Variants in DNAH1 observed in about 807,000 individuals in gnomAD.
DNAH1 encodes the protein dynein axonemal heavy chain 1.
DNAH1 carries 327 observed loss-of-function variants against 484.3 expected under a neutral mutation model. That is an observed-to-expected ratio of 0.68 (90% CI 0.62 to 0.74). The LOEUF (loss-of-function observed/expected upper bound fraction) is 0.74, where lower values mean the gene tolerates loss of function less well. Among genes scored for constraint, DNAH1 ranks in the 30% least tolerant of loss-of-function variants. The probability of loss-of-function intolerance (pLI) is 0.00; values close to 1 mark genes in which losing one functional copy is unlikely to be tolerated. For missense variants in DNAH1, 5,052 were observed against 5,546.8 expected (o/e 0.91, Z 2.83); for synonymous variants, 2,192 against 2,191.9 (o/e 1.00, Z 0.00).
rs759678423 is a variant in DNAH1 at position 52,393,366 on chromosome 3, C to T, written c.10507C>T (p.Arg3503Cys). The T allele has an allele frequency of 5.6e-6, 9 of 1,613,998 alleles. No homozygotes were observed. Among genetic ancestry groups the T allele is most frequent in the Admixed American group, 1.7e-5 (1 of 60,010 alleles). ...NLKKRISNIN[R>C]YLTYSLYSNV... The stretch of plus-strand genomic sequence containing the variant: ...GAAGAAGCGCATCTCCAACATCAAC[C>T]GCTACCTGACCTACAGCCTCTACAG... Residue 3503 changes from arginine to cysteine, a missense_variant, in exon 66 of 78, where the codon CGC becomes TGC. Arg to Cys is a radical substitution (Grantham distance 180). Transcript: ENST00000420323.
At chr3:52,349,962 C>G (rs1212177859) in intron 14 of DNAH1, 27 bp from the exon 15 acceptor site, 1 of 1,586,448 alleles carries the variant, frequency 6.3e-7, no homozygotes, top group Non-Finnish European at 8.6e-7. Flanking sequence ...GCATGCTGCC[C>G]TCCCCAGCGC....
chr3:52,328,136 A>T, intron 6 of DNAH1, 122 bp downstream of exon 6: 1 of 1,298,778 alleles, frequency 7.7e-7, no homozygotes, highest in East Asian at 2.5e-5. Flanking sequence ...AAGACCTCTC[A>T]GCTGGTAGAC....
intron 8 of DNAH1, among the ~76,000 whole-genome samples, chr3:52,341,680 T>TAAACCAAC: frequency 6.6e-6 from 1 of 152,054 alleles, no homozygotes. Flanking sequence ...TTCCCACACC[T>TAAACCAAC]AAACCAACTG....
chr3:52,396,525 A>C lies in DNAH1; in HGVS notation c.11417A>C (p.Asn3806Thr), dbSNP rs1353284997. The C allele has an allele frequency of 6.2e-7, 1 of 1,611,552 alleles. No individual in the cohort carries two copies. Among genetic ancestry groups the C allele is most frequent in the South Asian group, 1.1e-5 (1 of 90,858 alleles). Residue 3806 changes from asparagine to threonine, a missense_variant, in exon 71 of 78, where the codon AAC becomes ACC. Asn to Thr is a moderately conservative substitution (Grantham distance 65, BLOSUM62 0). Coordinates refer to ENST00000420323, the MANE Select transcript of DNAH1 (RefSeq NM_015512.5). Reference sequence around the variant, plus strand: ...AGTAGCCTTGGTGAAGACTTCCTCAACTCCTGCCACAAGGTGAGGCACACT... The same window carrying C: ...AGTAGCCTTGGTGAAGACTTCCTCACCTCCTGCCACAAGGTGAGGCACACT... ...SYSSLGEDFL[N>T]SCHKVMEFKS...
intron 4 of DNAH1, among the ~76,000 whole-genome samples, 160 bp downstream of exon 4, chr3:52,326,474 A>T (rs1701349511): frequency 6.6e-6 from 1 of 152,152 alleles, no homozygotes; most frequent in Admixed American, 6.5e-5. Flanking sequence ...TAATAGGAAC[A>T]ATTTACGTTA....
At chr3:52,322,913 C>G (rs1458314912) in intron 2 of DNAH1, 138 bp downstream of exon 2, 2 of 789,554 alleles carry the variant, frequency 2.5e-6, no homozygotes, top group African/African-American at 3.5e-5. Flanking sequence ...GTCTTTCTAT[C>G]CATCTACCCC....
At chr3:52,315,277 G>A (rs909733387), upstream of DNAH1, among the ~76,000 whole-genome samples, 1 of 152,198 alleles carries the variant, frequency 6.6e-6, no homozygotes, top group African/African-American at 2.4e-5. Flanking sequence ...GGGGACAGGT[G>A]GGGAGCGGGT....
intron 47 of DNAH1, 53 bp downstream of exon 47, chr3:52,378,833 C>T: frequency 1.3e-6 from 2 of 1,597,526 alleles, no homozygotes; most frequent in Non-Finnish European, 1.7e-6. Flanking sequence ...TCCGCATCCT[C>T]CCCAGCCCCA....
chr3:52,382,459 C>T lies in DNAH1; in HGVS notation c.7941+4C>T, dbSNP rs756656510. The stretch of plus-strand genomic sequence containing the variant: ...CTTCCTCTTCTCAGACACCCAGGTG[C>T]CACTGCCACAGCAGAGGGCAGGGCT... On this transcript the variant is annotated splice_donor_region_variant and intron_variant, in intron 50 of 77. Coordinates refer to ENST00000420323, the MANE Select transcript of DNAH1 (RefSeq NM_015512.5). 6.2e-7 allele frequency: 1 copy of T among 1,613,450 alleles called. No homozygotes were observed. The highest frequency in any genetic ancestry group is 1.3e-5 in the African/African-American group (1 of 74,926).
At chr3:52,387,963 A>G (rs758021916) in intron 56 of DNAH1, among the ~76,000 whole-genome samples, 4 of 152,112 alleles carry the variant, frequency 2.6e-5, no homozygotes, top group Non-Finnish European at 4.4e-5. Context: ...CCCTAATCAT[A>G]TGATCTAAAA....
rs1559551616 is a variant in DNAH1 at position 52,379,257 on chromosome 3, T to C, written c.7377+477T>C. 6.6e-6 allele frequency among the ~76,000 whole-genome samples: 1 copy of C among 152,128 alleles called. No individual in the cohort carries two copies. Among genetic ancestry groups the C allele is most frequent in the Non-Finnish European group, 1.5e-5 (1 of 68,024 alleles). ...CGTGTGGGTGGGCGGGGGACAGACC[T>C]GCACTTTGGAATGGGACTGAGCGGC... On this transcript the variant is annotated intron_variant, in intron 47 of 77. Coordinates refer to ENST00000420323, the MANE Select transcript of DNAH1 (RefSeq NM_015512.5). This position sits in a 1 kb window ranked among gnomAD's most constrained non-coding sequence, Gnocchi z 4.4.
intron 32 of DNAH1, 102 bp downstream of exon 32, chr3:52,363,246 C>A: frequency 1.4e-6 from 2 of 1,455,600 alleles, no homozygotes; most frequent in Non-Finnish European, 1.9e-6. Context: ...CGGTGCTTTA[C>A]AGGCATTACC....
intron 1 of DNAH1, among the ~76,000 whole-genome samples, chr3:52,318,145 G>A (rs1701018606): frequency 1.3e-5 from 2 of 152,190 alleles, no homozygotes; most frequent in Non-Finnish European, 2.9e-5. Flanking sequence ...TCCACCTCCC[G>A]GGTTCAAGCG....
At chr3:52,351,667 T>C (rs1397280798) in intron 16 of DNAH1, among the ~76,000 whole-genome samples, 2 of 152,202 alleles carry the variant, frequency 1.3e-5, no homozygotes, top group African/African-American at 4.8e-5. Flanking sequence ...CTCACTCTTC[T>C]CACTTCCCCT....
Position 52,395,309 on chromosome 3 carries a change from C to A in DNAH1, c.10970C>A (p.Thr3657Lys), listed in dbSNP as rs144668102. 4.3e-6 allele frequency: 7 copies of A among 1,613,242 alleles called. No homozygotes were observed. The South Asian group carries it at 7.7e-5, about 18-fold the overall frequency. ...CAGCATCTCCCCCTGCCCTTGCAGA[C>A]AGCCAATCTGTCAGTGGTGTTCAAA... ...NLEPRFIEPQ[T>K]ANLSVVFKDS... The change falls in exon 69 of 78, where the codon ACA (threonine) becomes AAA (lysine). Residue 3657 changes from threonine to lysine, a missense_variant and splice_region_variant. This residue lies in a region of DNAH1 where 853 missense variants were observed against 899.0 expected (regional missense o/e 0.95). Coordinates refer to ENST00000420323, the MANE Select transcript of DNAH1 (RefSeq NM_015512.5). This position sits in a 1 kb window ranked among gnomAD's most constrained non-coding sequence, Gnocchi z 4.4.
At chr3:52,372,519 C>CA in intron 43 of DNAH1, 132 bp downstream of exon 43, 1 of 1,275,144 alleles carries the variant, frequency 7.8e-7, no homozygotes, top group Admixed American at 2.2e-5. Context: ...GACAGCCCCC[C>CA]AATGGGCCCA....
intron 2 of DNAH1, 100 bp from the exon 3 acceptor site, chr3:52,323,708 G>T: frequency 1.2e-6 from 1 of 808,938 alleles, no homozygotes; most frequent in Non-Finnish European, 2.0e-6. Context: ...AGTGCTCCCT[G>T]GTGGGTCTCA....
rs1233369990 is a variant in DNAH1 at position 52,362,948 on chromosome 3, T to C, written c.5095-47T>C. 6.2e-7 allele frequency: 1 copy of C among 1,610,386 alleles called. No individual in the cohort carries two copies. The highest frequency in any genetic ancestry group is 2.2e-5 in the East Asian group (1 of 44,770). On this transcript the variant is annotated intron_variant, in intron 31 of 77. Transcript: ENST00000420323. The surrounding 1 kb of genome is among the most constrained non-coding windows in gnomAD (Gnocchi z 5.1). Reference sequence around the variant, plus strand: ...GGGCCGGATGAAGCTGGGGGTGCTCTGGGGGTGAGCTCTGTTTGCTGTTCA... The same window carrying C: ...GGGCCGGATGAAGCTGGGGGTGCTCCGGGGGTGAGCTCTGTTTGCTGTTCA...
At chr3:52,360,567 A>C (rs1256989131) in intron 28 of DNAH1, 143 bp downstream of exon 28, 1 of 667,340 alleles carries the variant, frequency 1.5e-6, no homozygotes, top group East Asian at 2.8e-5. Flanking sequence ...CTTTGGGCTC[A>C]GACCTCAGTT....
Sources: allele counts gnomAD v4.1 joint callset (sites outside exome capture counted in the v4.1 genomes callset), GRCh38; gene constraint gnomAD v4.1.1; regional missense constraint gnomAD v4.1.1; non-coding constraint Gnocchi (gnomAD v3.1); transcripts MANE v1.5; gene names NCBI Gene and HGNC (gene_info 2026-07-23, HGNC 2026-07-21).